Variants in MAP3K20 observed in about 807,000 individuals in gnomAD.
MAP3K20 encodes HCCS-4.
MAP3K20 carries 40 observed loss-of-function variants against 85.7 expected under a neutral mutation model. The observed-to-expected ratio is 0.47, with a 90% confidence interval of 0.36 to 0.61. The LOEUF is 0.61. MAP3K20 is among the 20% of genes least tolerant of loss of function. The probability of loss-of-function intolerance (pLI) is 0.00; values close to 1 mark genes in which losing one functional copy is unlikely to be tolerated. For synonymous variants in MAP3K20, 325 were observed against 327.7 expected, an observed-to-expected ratio of 0.99 and a Z score of 0.09; for missense variants, 817 against 961.7, an observed-to-expected ratio of 0.85 and a Z score of 1.99.
At chr2:173,263,612 T>C (rs1367602212) in intron 18 of MAP3K20, 133 bp from the exon 19 acceptor site, 10 of 833,712 alleles carry the variant, frequency 1.2e-5, no homozygotes, top group Non-Finnish European at 1.8e-5. Flanking sequence ...ATTATGATAG[T>C]GTTCTAAGAG....
Position 173,203,860 on chromosome 2 carries a change from C to T in MAP3K20, c.734C>T (p.Ala245Val). ...FAELLHQCWE[A>V]DAKKRPSFKQ... Reference sequence around the variant, plus strand: ...GAACTGTTACATCAGTGTTGGGAAGCTGATGCCAAGGTATACATATGTATT... The same window carrying T: ...GAACTGTTACATCAGTGTTGGGAAGTTGATGCCAAGGTATACATATGTATT... Residue 245 changes from alanine to valine, a missense_variant, in exon 9 of 20, where the codon GCT becomes GTT. By Grantham distance (64) the Ala-to-Val change is moderately conservative. Coordinates refer to ENST00000375213, the MANE Select transcript of MAP3K20 (RefSeq NM_016653.3). 1.2e-6 allele frequency: 2 copies of T among 1,613,666 alleles called. No individual in the cohort carries two copies. Among genetic ancestry groups the T allele is most frequent in the Non-Finnish European group, 1.7e-6 (2 of 1,179,690 alleles).
intron 2 of MAP3K20, among the ~76,000 whole-genome samples, chr2:173,157,983 G>C (rs564362560): frequency 6.6e-6 from 1 of 152,322 alleles, no homozygotes; most frequent in South Asian, 2.1e-4. Flanking sequence ...TTCAAATTAG[G>C]TTTGTGAAGT....
intron 2 of MAP3K20, among the ~76,000 whole-genome samples, chr2:173,154,646 CAGG>C (rs1399341595): frequency 6.6e-6 from 1 of 152,128 alleles, no homozygotes; most frequent in Non-Finnish European, 1.5e-5. Flanking sequence ...CCCTTGATAG[CAGG>C]AGTTTATTTC....
At chr2:173,240,914 C>A (rs934553587) in intron 16 of MAP3K20, among the ~76,000 whole-genome samples, 4 of 152,184 alleles carry the variant, frequency 2.6e-5, no homozygotes, top group Admixed American at 6.5e-5. Context: ...GGTACATATA[C>A]ACAATGGCAT....
intron 11 of MAP3K20, chr2:173,222,887 T>G (rs1372270093): frequency 8.1e-6 from 8 of 984,902 alleles, no homozygotes; most frequent in Non-Finnish European, 9.6e-6. Context: ...TATAAAACAC[T>G]TTTAATTATA....
At chr2:173,107,997 G>A (rs111293570) in intron 2 of MAP3K20, among the ~76,000 whole-genome samples, 3 of 152,254 alleles carry the variant, frequency 2.0e-5, no homozygotes, top group African/African-American at 7.2e-5. Flanking sequence ...CATCATCCTA[G>A]AGTATAATGT....
intron 2 of MAP3K20, among the ~76,000 whole-genome samples, chr2:173,120,578 G>A (rs1425049093): frequency 6.6e-6 from 1 of 151,690 alleles, no homozygotes; most frequent in Non-Finnish European, 1.5e-5. Context: ...CATGCAATAA[G>A]GTGAAAGCAT....
chr2:173,186,548 A>G (rs1574089118), intron 4 of MAP3K20, among the ~76,000 whole-genome samples: 1 of 151,992 alleles, frequency 6.6e-6, no homozygotes, highest in Non-Finnish European at 1.5e-5. Flanking sequence ...CATAATTAAA[A>G]TAGAAGAATA....
At chr2:173,129,485 G>A (rs6739869) in intron 2 of MAP3K20, among the ~76,000 whole-genome samples, 150,988 of 152,278 alleles carry the variant, frequency 0.99, 74,872 homozygotes, top group Middle Eastern at 1. Context: ...CCCAGTGTCA[G>A]TGATACCAAA....
At chr2:173,195,210 G>C (rs1445730273) in intron 7 of MAP3K20, among the ~76,000 whole-genome samples, 1 of 133,570 alleles carries the variant, frequency 7.5e-6, no homozygotes, top group Non-Finnish European at 1.6e-5. Flanking sequence ...AAAAAAAAAA[G>C]CTATTCTAAT....
chr2:173,257,765 C>G (rs1400979914), intron 16 of MAP3K20, among the ~76,000 whole-genome samples: 1 of 152,092 alleles, frequency 6.6e-6, no homozygotes, highest in Non-Finnish European at 1.5e-5. Context: ...TACATTCCCA[C>G]CAACAATGTA....
intron 14 of MAP3K20, among the ~76,000 whole-genome samples, chr2:173,237,475 G>T (rs913938709): frequency 6.6e-6 from 1 of 152,172 alleles, no homozygotes; most frequent in African/African-American, 2.4e-5. Flanking sequence ...ATTGTCAGCT[G>T]TCAACAGTTT....
Position 173,113,376 on chromosome 2 carries a change from T to G in MAP3K20, c.159+22186T>G, listed in dbSNP as rs188761655. 2.0e-5 allele frequency among the ~76,000 whole-genome samples: 3 copies of G among 152,262 alleles called. No individual in the cohort carries two copies. In the East Asian group the frequency reaches 5.8e-4, roughly 29 times the overall value. ...GGTTCATTTATCTTTTGTATTTTTTTTTGTTTCAATTTCATTTGGTTCTGC... is the reference window on the plus strand; with the variant it reads ...GGTTCATTTATCTTTTGTATTTTTTGTTGTTTCAATTTCATTTGGTTCTGC... On this transcript the variant is annotated intron_variant, in intron 2 of 19. Transcript: ENST00000375213.
chr2:173,238,539 T>G (rs1204856041), intron 15 of MAP3K20, 104 bp downstream of exon 15: 6 of 1,034,068 alleles, frequency 5.8e-6, no homozygotes, highest in Non-Finnish European at 7.2e-6. Context: ...TTGTTTGAAG[T>G]GAAATTTCAT....
chr2:173,122,849 A>G (rs1024309699), intron 2 of MAP3K20, among the ~76,000 whole-genome samples: 3 of 152,110 alleles, frequency 2.0e-5, no homozygotes, highest in Admixed American at 2.0e-4. Flanking sequence ...CAGTGCTGCT[A>G]CTTTTTCTGC....
At chr2:173,134,393 C>CATTATAT (rs1688716936) in intron 2 of MAP3K20, among the ~76,000 whole-genome samples, 1 of 12,340 alleles carries the variant, frequency 8.1e-5, no homozygotes, top group Non-Finnish European at 1.4e-4. Context: ...TGTCTCTATA[C>CATTATAT]ATATATATAT....
chr2:173,133,655 A>C (rs146275413), intron 2 of MAP3K20, among the ~76,000 whole-genome samples: 2 of 152,218 alleles, frequency 1.3e-5, no homozygotes, highest in East Asian at 3.9e-4. Flanking sequence ...GTTAAAACAC[A>C]CATAGCCCAC....
At chr2:173,239,832 C>T (rs1209260703) in intron 16 of MAP3K20, among the ~76,000 whole-genome samples, 1 of 152,164 alleles carries the variant, frequency 6.6e-6, no homozygotes, top group Non-Finnish European at 1.5e-5. Flanking sequence ...TAAGAGAAAG[C>T]AGCTTTATAA....
At chr2:173,165,731 G>A (rs980265324) in intron 2 of MAP3K20, among the ~76,000 whole-genome samples, 8 of 152,174 alleles carry the variant, frequency 5.3e-5, no homozygotes, top group African/African-American at 1.4e-4. Flanking sequence ...GAATGCAGTG[G>A]CACAGTCACA....
Sources: allele counts gnomAD v4.1 joint callset (sites outside exome capture counted in the v4.1 genomes callset), GRCh38; gene constraint gnomAD v4.1.1; transcripts MANE v1.5; gene names NCBI Gene and HGNC (gene_info 2026-07-23, HGNC 2026-07-21).